RIGI: variants seen among roughly 807,000 people sequenced by gnomAD.
RIGI encodes the protein antiviral innate immune response receptor RIG-I.
At chr9:32,462,046 G>A in the RIGI span, among the ~76,000 whole-genome samples, 1 of 152,048 alleles carries the variant, frequency 6.6e-6, no homozygotes, top group East Asian at 1.9e-4. Context: ...AAACTTTTCT[G>A]ATTAGGCTGG....
the RIGI span, chr9:32,459,665 A>G: frequency 1.3e-6 from 1 of 767,536 alleles, no homozygotes; most frequent in Non-Finnish European, 2.0e-6. Context: ...ACTTTGTAAA[A>G]TCACAGATTT....
chr9:32,493,763 G>A, the RIGI span: 4 of 1,553,680 alleles, frequency 2.6e-6, no homozygotes, highest in African/African-American at 1.4e-5. Context: ...TAACTTACCT[G>A]TAGAATTTCT....
the RIGI span, among the ~76,000 whole-genome samples, chr9:32,476,392 T>G: frequency 7.2e-5 from 11 of 152,086 alleles, no homozygotes; most frequent in East Asian, 2.1e-3. Context: ...CCACGCATGG[T>G]GGCAGAGGGT....
At chr9:32,515,775 T>C in the RIGI span, among the ~76,000 whole-genome samples, 1 of 152,178 alleles carries the variant, frequency 6.6e-6, no homozygotes, top group Admixed American at 6.5e-5. Flanking sequence ...AATGCCAAAG[T>C]AAGGGAACGT....
chr9:32,464,996 T>C, the RIGI span, among the ~76,000 whole-genome samples: 5 of 152,166 alleles, frequency 3.3e-5, no homozygotes, highest in Non-Finnish European at 5.9e-5. Context: ...TCAACAGACT[T>C]TTACTCTGTT....
the RIGI span, among the ~76,000 whole-genome samples, chr9:32,482,235 CT>C: frequency 1.3e-5 from 2 of 151,454 alleles, no homozygotes; most frequent in African/African-American, 4.9e-5. Flanking sequence ...TTCTTGAGTA[CT>C]GTGTACCAAG....
chr9:32,480,256 G>A, the RIGI span: 1,548 of 1,609,742 alleles, frequency 9.6e-4, 12 homozygotes, highest in African/African-American at 0.017. Context: ...CAATCTCATC[G>A]AATCCTGCTG....
the RIGI span, chr9:32,491,269 C>T: frequency 1.2e-6 from 2 of 1,609,310 alleles, no homozygotes; most frequent in African/African-American, 1.3e-5. Flanking sequence ...AGAAGAGCAC[C>T]ATTATGGAAA....
At chr9:32,508,711 T>C in the RIGI span, among the ~76,000 whole-genome samples, 1 of 152,016 alleles carries the variant, frequency 6.6e-6, no homozygotes. Context: ...CAGTTTTTTT[T>C]TTCATACCTC....
At chr9:32,480,213 A>G in the RIGI span, 1 of 1,591,908 alleles carries the variant, frequency 6.3e-7, no homozygotes, top group Non-Finnish European at 8.6e-7. Flanking sequence ...TGAAAACACC[A>G]CTCACCTTCA....
chr9:32,491,492 A>G, the RIGI span: 28 of 1,261,582 alleles, frequency 2.2e-5, no homozygotes, highest in Non-Finnish European at 2.9e-5. Context: ...AAGCTCCACA[A>G]AATGGTCATA....
chr9:32,485,235 T>C, the RIGI span: 9 of 1,608,190 alleles, frequency 5.6e-6, no homozygotes, highest in Non-Finnish European at 6.8e-6. Flanking sequence ...TGAGCTATGA[T>C]GTATTTAAAT....
At chr9:32,462,404 C>CTTTTTT in the RIGI span, among the ~76,000 whole-genome samples, 6 of 85,912 alleles carry the variant, frequency 7.0e-5, 1 homozygote, top group African/African-American at 2.7e-4. Context: ...TTAGATCTAG[C>CTTTTTT]TTTTTTTTTT....
chr9:32,463,907 C>G, the RIGI span, among the ~76,000 whole-genome samples: 1 of 27,276 alleles, frequency 3.7e-5, no homozygotes, highest in Non-Finnish European at 8.6e-5. Context: ...CCTTCACAAC[C>G]ACAACTGTCA....
chr9:32,485,526 AGCT>A, the RIGI span: 1 of 484,770 alleles, frequency 2.1e-6, no homozygotes, highest in Non-Finnish European at 3.8e-6. Context: ...AGGTCTAACT[AGCT>A]TCTTTTTTTT....
chr9:32,488,902 G>A, the RIGI span: 16 of 1,578,318 alleles, frequency 1.0e-5, no homozygotes, highest in South Asian at 1.5e-4. Context: ...TAACATGTAA[G>A]GAAAAAAGAA....
the RIGI span, among the ~76,000 whole-genome samples, chr9:32,462,896 C>T: frequency 6.6e-6 from 1 of 152,194 alleles, no homozygotes; most frequent in South Asian, 2.1e-4. Flanking sequence ...TAGCTCACGC[C>T]TGTAATCCCA....
chr9:32,504,933 AAT>A, the RIGI span, among the ~76,000 whole-genome samples: 9 of 130,002 alleles, frequency 6.9e-5, no homozygotes, highest in Non-Finnish European at 1.1e-4. Context: ...ATATAGATAT[AAT>A]ATATATTTAA....
At chr9:32,478,607 T>C in the RIGI span, among the ~76,000 whole-genome samples, 1 of 152,178 alleles carries the variant, frequency 6.6e-6, no homozygotes, top group African/African-American at 2.4e-5. Flanking sequence ...CCACCCAAGC[T>C]GGGGTCCAGT....
Sources: allele counts gnomAD v4.1 joint callset (sites outside exome capture counted in the v4.1 genomes callset), GRCh38; gene constraint gnomAD v4.1.1; transcripts MANE v1.5; gene names NCBI Gene and HGNC (gene_info 2026-07-23, HGNC 2026-07-21).